The following PIK3C2G variants were observed in gnomAD, a reference collection of about 807,000 sequenced individuals.
PIK3C2G encodes the protein phosphatidylinositol-4-phosphate 3-kinase catalytic subunit type 2 gamma.
A neutral mutation model predicts 181.1 loss-of-function variants in PIK3C2G; 168 were observed. The ratio of observed to expected loss-of-function variants is 0.93; its 90% CI spans 0.82 to 1.05. The LOEUF (loss-of-function observed/expected upper bound fraction) is 1.05. PIK3C2G is among the 50% of genes least tolerant of loss of function. The pLI is 0.00. For synonymous variants in PIK3C2G, 573 were observed against 592.2 expected, an observed-to-expected ratio of 0.97 and a Z score of 0.47; for missense variants, 1,869 against 1,732.8, an observed-to-expected ratio of 1.08 and a Z score of -1.40.
chr12:18,264,929 T>C (rs530744205), intron 1 of PIK3C2G, among the ~76,000 whole-genome samples: 126 of 152,326 alleles, frequency 8.3e-4, no homozygotes, highest in African/African-American at 2.9e-3. Context: ...GAAGCCTGCA[T>C]GGGGCATCTG....
intron 31 of PIK3C2G, among the ~76,000 whole-genome samples, chr12:18,635,080 G>A (rs375083371): frequency 2.6e-5 from 4 of 152,176 alleles, no homozygotes; most frequent in African/African-American, 9.7e-5. Context: ...TTGCCCACTG[G>A]GAGGATTTTC....
At chr12:18,664,591 A>G in the PIK3C2G span, among the ~76,000 whole-genome samples, 1 of 152,172 alleles carries the variant, frequency 6.6e-6, no homozygotes, top group South Asian at 2.1e-4. Context: ...AATGAGTAGA[A>G]TAGTGGTTGC....
At chr12:18,407,781 T>C (rs1944621653) in intron 16 of PIK3C2G, among the ~76,000 whole-genome samples, 1 of 152,026 alleles carries the variant, frequency 6.6e-6, no homozygotes, top group African/African-American at 2.4e-5. Flanking sequence ...AAGGGAAAGA[T>C]TAAGAGAAGG....
At chr12:18,723,318 G>T in the PIK3C2G span, 3 of 1,609,458 alleles carry the variant, frequency 1.9e-6, no homozygotes, top group South Asian at 1.1e-5. Flanking sequence ...TACCTTCTTC[G>T]ATAGGCTCGT....
the PIK3C2G span, chr12:18,693,612 C>T: frequency 6.5e-4 from 1,024 of 1,570,086 alleles, 1 homozygote; most frequent in Middle Eastern, 0.012. Context: ...GAACGTGCAC[C>T]GTCCATTGTG....
intron 18 of PIK3C2G, among the ~76,000 whole-genome samples, chr12:18,476,384 C>T (rs926953173): frequency 3.3e-5 from 5 of 151,820 alleles, no homozygotes; most frequent in Admixed American, 6.6e-5. Context: ...CTTAAAGACC[C>T]GAGAGAAACA....
chr12:18,270,489 GACT>G (rs1424819805), intron 1 of PIK3C2G, among the ~76,000 whole-genome samples: 3 of 151,960 alleles, frequency 2.0e-5, no homozygotes, highest in Non-Finnish European at 4.4e-5. Flanking sequence ...GTGGCCCAAG[GACT>G]ACTACTGTTT....
chr12:18,609,337 G>C (rs115830927), intron 30 of PIK3C2G, among the ~76,000 whole-genome samples, 198 bp from the exon 31 acceptor site: 50 of 152,234 alleles, frequency 3.3e-4, no homozygotes, highest in Non-Finnish European at 5.3e-4. Context: ...TAGGGGAAGA[G>C]TTAGTTAAAG....
intron 1 of PIK3C2G, among the ~76,000 whole-genome samples, chr12:18,262,614 CAAAAA>C (rs778968769): frequency 2.1e-5 from 2 of 95,178 alleles, no homozygotes; most frequent in South Asian, 6.0e-4. Flanking sequence ...AGTGAGCTGA[CAAAAA>C]AAAAAAAAAA....
intron 5 of PIK3C2G, among the ~76,000 whole-genome samples, chr12:18,303,167 TTC>T (rs1465444640): frequency 6.7e-6 from 1 of 148,316 alleles, no homozygotes; most frequent in Non-Finnish European, 1.5e-5. Context: ...TTCTCTTTCT[TTC>T]TTTCTCTTTC....
the PIK3C2G span, among the ~76,000 whole-genome samples, chr12:18,709,395 G>T: frequency 2.3e-4 from 35 of 151,978 alleles, 1 homozygote. Context: ...TTCTGCACAG[G>T]ACCATGCTGT....
intron 12 of PIK3C2G, among the ~76,000 whole-genome samples, chr12:18,369,989 C>T (rs1249252639): frequency 1.7e-5 from 2 of 119,990 alleles, no homozygotes; most frequent in African/African-American, 6.3e-5. Context: ...ATATAACGAT[C>T]GTATAATTGA....
intron 29 of PIK3C2G, among the ~76,000 whole-genome samples, chr12:18,583,143 G>T (rs769440646): frequency 8.6e-5 from 13 of 152,030 alleles, no homozygotes; most frequent in Non-Finnish European, 1.9e-4. Context: ...CCTGACTGAG[G>T]TCTACAACCA....
At chr12:18,406,432 G>C (rs1013211438) in intron 16 of PIK3C2G, among the ~76,000 whole-genome samples, 2 of 152,086 alleles carry the variant, frequency 1.3e-5, no homozygotes, top group Non-Finnish European at 2.9e-5. Flanking sequence ...TAATAGTGAA[G>C]TTAGATTCCA....
the PIK3C2G span, among the ~76,000 whole-genome samples, chr12:18,658,892 T>C: frequency 4.6e-5 from 7 of 152,304 alleles, no homozygotes; most frequent in African/African-American, 1.4e-4. Context: ...ATGAAACCTG[T>C]AAAAATGAGA....
intron 5 of PIK3C2G, among the ~76,000 whole-genome samples, chr12:18,294,316 G>A (rs112184095): frequency 2.0e-4 from 31 of 152,148 alleles, no homozygotes; most frequent in Non-Finnish European, 3.5e-4. Context: ...TTTAAAACCA[G>A]TAAAGTCCCA....
At chr12:18,338,609 G>A (rs987520045) in intron 9 of PIK3C2G, 61 bp downstream of exon 9, 2 of 1,188,620 alleles carry the variant, frequency 1.7e-6, no homozygotes, top group East Asian at 4.7e-5. Context: ...TAATTAAGGA[G>A]AGTGAAAGAC....
chr12:18,523,463 T>A (rs1009217395), intron 24 of PIK3C2G, among the ~76,000 whole-genome samples: 1 of 152,220 alleles, frequency 6.6e-6, no homozygotes, highest in Non-Finnish European at 1.5e-5. Context: ...GGATCACTGC[T>A]CTGCAGCTAA....
chr12:18,274,353 T>G (rs373639371), intron 1 of PIK3C2G, among the ~76,000 whole-genome samples: 1 of 152,150 alleles, frequency 6.6e-6, no homozygotes, highest in African/African-American at 2.4e-5. Flanking sequence ...CACATGCACA[T>G]GTATGTTTAT....
Sources: allele counts gnomAD v4.1 joint callset (sites outside exome capture counted in the v4.1 genomes callset), GRCh38; gene constraint gnomAD v4.1.1; transcripts MANE v1.5; gene names NCBI Gene and HGNC (gene_info 2026-07-23, HGNC 2026-07-21).